RMST: variants seen among roughly 807,000 people sequenced by gnomAD.
RMST encodes the protein rhabdomyosarcoma 2 associated transcript.
At chr12:97,471,294 G>A (rs914213037) in intron 5 of RMST, among the ~76,000 whole-genome samples, 1 of 152,060 alleles carries the variant, frequency 6.6e-6, no homozygotes, top group Non-Finnish European at 1.5e-5. Flanking sequence ...GGTGAAGCAA[G>A]CTAGAAAAGT....
intron 4 of RMST, among the ~76,000 whole-genome samples, chr12:97,464,084 A>C (rs1872895560): frequency 6.6e-6 from 1 of 152,230 alleles, no homozygotes. Context: ...AAAAAAACTC[A>C]GCAGATATTT....
chr12:97,536,182 G>A (rs1882061960), intron 11 of RMST, among the ~76,000 whole-genome samples: 1 of 151,246 alleles, frequency 6.6e-6, no homozygotes, highest in Non-Finnish European at 1.5e-5. Context: ...GTCAGGAATT[G>A]CCCAATTGTT....
At chr12:97,545,015 G>A (rs759248500) in intron 11 of RMST, among the ~76,000 whole-genome samples, 1 of 152,064 alleles carries the variant, frequency 6.6e-6, no homozygotes, top group African/African-American at 2.4e-5. Context: ...CGTTGGAAGA[G>A]AACTAAAGAG....
intron 5 of RMST, among the ~76,000 whole-genome samples, chr12:97,491,387 G>A (rs953820857): frequency 6.6e-6 from 1 of 152,152 alleles, no homozygotes; most frequent in Non-Finnish European, 1.5e-5. Context: ...CGAGGGCACG[G>A]TACTGTCACC....
At chr12:97,474,933 T>A (rs538445183) in intron 5 of RMST, among the ~76,000 whole-genome samples, 2 of 152,300 alleles carry the variant, frequency 1.3e-5, no homozygotes, top group African/African-American at 4.8e-5. Context: ...GTGTACTCAT[T>A]CATAATAATT....
intron 11 of RMST, among the ~76,000 whole-genome samples, chr12:97,553,948 T>TC (rs1396568932): frequency 3.4e-5 from 5 of 145,492 alleles, no homozygotes; most frequent in Admixed American, 3.4e-4. Flanking sequence ...CTTTTCTTTC[T>TC]CTTTTTTTTT....
chr12:97,505,276 TAAGA>T (rs1330073906), intron 10 of RMST, among the ~76,000 whole-genome samples: 3 of 152,224 alleles, frequency 2.0e-5, no homozygotes, highest in Non-Finnish European at 1.5e-5. Flanking sequence ...AGTTCTGATT[TAAGA>T]AAGTCTCGGC....
At chr12:97,470,523 C>A (rs1873790061) in intron 5 of RMST, among the ~76,000 whole-genome samples, 5 of 151,730 alleles carry the variant, frequency 3.3e-5, no homozygotes, top group Admixed American at 3.3e-4. Flanking sequence ...TAACCTAAGG[C>A]CTTTAAAGAT....
intron 11 of RMST, among the ~76,000 whole-genome samples, chr12:97,552,492 C>T (rs1181972165): frequency 3.3e-5 from 5 of 152,122 alleles, no homozygotes; most frequent in African/African-American, 4.8e-5. Flanking sequence ...GGGAATTGGA[C>T]TCCTTTAGTT....
intron 5 of RMST, among the ~76,000 whole-genome samples, chr12:97,480,082 CTTTTTTCTTT>C (rs1295334247): frequency 6.5e-5 from 7 of 107,842 alleles, no homozygotes; most frequent in African/African-American, 1.4e-4. Context: ...CTTTTCTTTT[CTTTTTTCTTT>C]TTTTTTCTTT....
At chr12:97,526,705 A>G (rs1881146458) in intron 10 of RMST, among the ~76,000 whole-genome samples, 1 of 152,154 alleles carries the variant, frequency 6.6e-6, no homozygotes, top group African/African-American at 2.4e-5. Flanking sequence ...GAAGCTATTT[A>G]TTACTATTAT....
intron 10 of RMST, among the ~76,000 whole-genome samples, chr12:97,498,365 A>G (rs959329467): frequency 6.6e-6 from 1 of 152,170 alleles, no homozygotes; most frequent in African/African-American, 2.4e-5. Flanking sequence ...TCTACCACTT[A>G]TTAGCTGTAT....
chr12:97,464,493 C>T (rs753432496), intron 4 of RMST, among the ~76,000 whole-genome samples: 14 of 152,184 alleles, frequency 9.2e-5, no homozygotes, highest in Admixed American at 4.6e-4. Flanking sequence ...ATTCAATTTA[C>T]TTTGAAAGTT....
At chr12:97,518,138 G>A (rs940512182) in intron 10 of RMST, among the ~76,000 whole-genome samples, 4 of 151,926 alleles carry the variant, frequency 2.6e-5, no homozygotes, top group African/African-American at 9.7e-5. Context: ...ATAAAGTAGA[G>A]CACTTTTTAA....
chr12:97,515,345 A>T (rs1406182858), intron 10 of RMST, among the ~76,000 whole-genome samples: 1 of 152,152 alleles, frequency 6.6e-6, no homozygotes, highest in Non-Finnish European at 1.5e-5. Context: ...CATCTATTAT[A>T]GTCTGAATGT....
chr12:97,506,241 T>C (rs1029872074), intron 10 of RMST, among the ~76,000 whole-genome samples: 3 of 152,198 alleles, frequency 2.0e-5, no homozygotes, highest in African/African-American at 4.8e-5. Flanking sequence ...TAAAACTTTA[T>C]AGAACAGCTC....
intron 10 of RMST, among the ~76,000 whole-genome samples, chr12:97,520,682 C>T (rs1376084146): frequency 1.3e-5 from 2 of 152,228 alleles, no homozygotes; most frequent in East Asian, 3.9e-4. Context: ...TAAGGGACTA[C>T]CAGACTTGAG....
intron 11 of RMST, among the ~76,000 whole-genome samples, chr12:97,535,549 A>G (rs1882004618): frequency 6.7e-6 from 1 of 150,136 alleles, no homozygotes; most frequent in African/African-American, 2.5e-5. Flanking sequence ...AGAAACTCAC[A>G]CTCAGATTGG....
intron 13 of RMST, among the ~76,000 whole-genome samples, chr12:97,562,270 C>T (rs572791788): frequency 6.6e-6 from 1 of 152,322 alleles, no homozygotes; most frequent in South Asian, 2.1e-4. Flanking sequence ...CTTGATGCTA[C>T]CATTTAAGCA....
Sources: allele counts gnomAD v4.1 joint callset (sites outside exome capture counted in the v4.1 genomes callset), GRCh38; gene constraint gnomAD v4.1.1; transcripts MANE v1.5; gene names NCBI Gene and HGNC (gene_info 2026-07-23, HGNC 2026-07-21).